ADGRV1: variants seen among roughly 807,000 people sequenced by gnomAD.
The protein encoded by ADGRV1 is adhesion G protein-coupled receptor V1.
ADGRV1 carries 359 observed loss-of-function variants against 596.2 expected under a neutral mutation model. That is an observed-to-expected ratio of 0.60 (90% confidence interval 0.55 to 0.66). The LOEUF is 0.66. Ranked by LOEUF, ADGRV1 falls within the 30% of genes least tolerant of loss-of-function variation. ADGRV1 has a pLI of 0.00. For synonymous variants in ADGRV1, 2,681 were observed against 2,679.2 expected (o/e 1.00, Z -0.02); for missense variants, 7,274 against 7,575.6 (o/e 0.96, Z 1.48).
chr5:90,736,880 G>T (rs999679344), intron 50 of ADGRV1, among the ~76,000 whole-genome samples: 2 of 149,514 alleles, frequency 1.3e-5, no homozygotes, highest in African/African-American at 2.5e-5. Context: ...TGTAGCTAAG[G>T]GTTTGTCAAC....
At chr5:91,005,097 T>A (rs1018051451) in intron 85 of ADGRV1, among the ~76,000 whole-genome samples, 3 of 152,180 alleles carry the variant, frequency 2.0e-5, no homozygotes, top group Admixed American at 6.5e-5. Context: ...TTTTGTATAT[T>A]TTCTCAGAAT....
intron 59 of ADGRV1, among the ~76,000 whole-genome samples, chr5:90,765,382 G>C (rs746198273): frequency 2.7e-5 from 4 of 147,416 alleles, no homozygotes; most frequent in Non-Finnish European, 4.5e-5. Flanking sequence ...ACTATGTCTG[G>C]GATTTTTTTG....
intron 87 of ADGRV1, among the ~76,000 whole-genome samples, chr5:91,106,735 G>A (rs181778222): frequency 1.4e-4 from 22 of 152,316 alleles, no homozygotes; most frequent in Non-Finnish European, 1.9e-4. Flanking sequence ...AGTCCAAATG[G>A]AGATCACATA....
chr5:90,676,655 C>T (rs1744259124), intron 25 of ADGRV1: 1 of 156,198 alleles, frequency 6.4e-6, no homozygotes, highest in African/African-American at 2.4e-5. Context: ...AAGAGACGTG[C>T]TTTTAGAGTG....
chr5:91,154,023 C>T (rs1796268440), intron 89 of ADGRV1, among the ~76,000 whole-genome samples: 1 of 152,212 alleles, frequency 6.6e-6, no homozygotes, highest in Middle Eastern at 3.2e-3. Context: ...CTGGGTGAAA[C>T]AGTTAGTGGA....
intron 83 of ADGRV1, among the ~76,000 whole-genome samples, chr5:90,913,908 C>A (rs989404511): frequency 6.6e-6 from 1 of 152,024 alleles, no homozygotes; most frequent in Non-Finnish European, 1.5e-5. Flanking sequence ...TAAATCTTTG[C>A]GGGTGAATAT....
At position 90,985,388 on chromosome 5, in the gene ADGRV1, A is replaced by T. The variant is rs1262359126; in HGVS notation, c.18018A>T (p.Thr6006=). The T allele has an allele frequency of 6.2e-7, 1 of 1,613,666 alleles. No individual in the cohort carries two copies. Among genetic ancestry groups the T allele is most frequent in the South Asian group, 1.1e-5 (1 of 91,028 alleles). The change falls in exon 85 of 90, where the codon ACA becomes ACT. Residue 6006 remains threonine (T), a synonymous_variant. Coordinates refer to ENST00000405460, the MANE Select transcript of ADGRV1 (RefSeq NM_032119.4). ...TGCTGGTGATGAATGATGAGCACAC[A>T]GAGAGGCGATATCTGCTGTTTTTCC... ...WYVLVMNDEH[T]ERRYLLFFLL... is the part of the protein sequence containing the mutation.
At chr5:90,931,512 A>C (rs1394051191) in intron 83 of ADGRV1, among the ~76,000 whole-genome samples, 2 of 152,208 alleles carry the variant, frequency 1.3e-5, no homozygotes, top group African/African-American at 4.8e-5. Context: ...AAATTTCACT[A>C]GGTAAAATGT....
At position 91,164,167 on chromosome 5, in the gene ADGRV1, T is replaced by A; in HGVS notation, c.*267T>A. The A allele has an allele frequency of 4.2e-6, 2 of 481,240 alleles. No individual in the cohort carries two copies. Among genetic ancestry groups the A allele is most frequent in the Non-Finnish European group, 7.7e-6 (2 of 260,150 alleles). The allele number at this position is 481,240 out of a possible 1,614,324, so 29.8% of individuals were successfully genotyped here. A position where few individuals can be genotyped will look rare whatever the true frequency, so the allele number is the denominator to read the frequency against. On this transcript the variant is annotated 3_prime_UTR_variant, in exon 90 of 90. Coordinates refer to ENST00000405460, the MANE Select transcript of ADGRV1 (RefSeq NM_032119.4). ...TAGTTGTTTTTTTAATCATCCTATA[T>A]GGCTAACATTGTTTAATGAAAGTAA... is the stretch of plus-strand genomic sequence containing the variant.
Position 90,710,971 on chromosome 5 carries a change from G to GT in ADGRV1, c.8825-4dup. The stretch of plus-strand genomic sequence containing the variant: ...TATGTATTTTAAGATATGCTTCTAT[G>GT]TTTTTTAAGATTCAGAAGGTTTGAC... On this transcript the variant is annotated splice_polypyrimidine_tract_variant and intron_variant, in intron 39 of 89. Transcript: ENST00000405460. The GT allele has an allele frequency of 6.4e-7, 1 of 1,558,546 alleles. No homozygotes were observed. Among genetic ancestry groups the GT allele is most frequent in the South Asian group, 1.1e-5 (1 of 87,628 alleles).
intron 1 of ADGRV1, among the ~76,000 whole-genome samples, chr5:90,579,830 T>C (rs1054262591): frequency 6.6e-6 from 1 of 152,252 alleles, no homozygotes; most frequent in African/African-American, 2.4e-5. Flanking sequence ...TTAGTTCTTC[T>C]TGTTGAATTG....
At chr5:90,729,962 G>C (rs1220540739) in intron 50 of ADGRV1, among the ~76,000 whole-genome samples, 198 bp downstream of exon 50, 1 of 152,026 alleles carries the variant, frequency 6.6e-6, no homozygotes, top group Non-Finnish European at 1.5e-5. Context: ...CGCCTCCCAG[G>C]TTCCGCTATT....
Position 90,840,599 on chromosome 5 carries a change from A to G in ADGRV1, c.16633A>G (p.Ile5545Val). 1 of 1,607,014 alleles carries G rather than the reference A, an allele frequency of 6.2e-7. No homozygotes were observed. Among genetic ancestry groups the G allele is most frequent in the South Asian group, 1.1e-5 (1 of 90,534 alleles). The change falls in exon 78 of 90, where the codon ATT (isoleucine) becomes GTT (valine). Residue 5545 changes from isoleucine (I) to valine (V), a missense_variant. Around this residue, in one of 5 missense-constraint regions of ADGRV1, gnomAD observed 1,874 missense variants for 1,970.2 expected, o/e 0.95. Transcript: ENST00000405460. ...CTAGGAGTTGAGGAGTGCTGAAACA[A>G]TTGGTCGTACCATCATATCTCCAGC... is the stretch of plus-strand genomic sequence containing the variant. Reference protein sequence around the residue: ...STQELRSAETIGRTIISPAIS... With the variant: ...STQELRSAETVGRTIISPAIS...
At chr5:91,143,729 TTCCCCA>T (rs1276070890) in intron 87 of ADGRV1, among the ~76,000 whole-genome samples, 1 of 152,178 alleles carries the variant, frequency 6.6e-6, no homozygotes, top group Non-Finnish European at 1.5e-5. Flanking sequence ...GCTTCAGGCC[TTCCCCA>T]GCTTGAAGGT....
At chr5:91,056,175 A>T (rs1306588289) in intron 85 of ADGRV1, among the ~76,000 whole-genome samples, 1 of 152,176 alleles carries the variant, frequency 6.6e-6, no homozygotes, top group African/African-American at 2.4e-5. Flanking sequence ...GTAGAGAAGA[A>T]TTGGGCCCTT....
chr5:90,895,463 G>C (rs1309529442), intron 83 of ADGRV1, among the ~76,000 whole-genome samples: 1 of 152,106 alleles, frequency 6.6e-6, no homozygotes, highest in African/African-American at 2.4e-5. Flanking sequence ...AGGTGCAAAG[G>C]CCCAGAGGCC....
intron 83 of ADGRV1, among the ~76,000 whole-genome samples, chr5:90,928,162 A>G (rs1774727329): frequency 6.6e-6 from 1 of 151,946 alleles, no homozygotes; most frequent in African/African-American, 2.4e-5. Flanking sequence ...GTATTTCCTG[A>G]ATCTGAACGT....
At chr5:90,721,566 TAAA>T (rs58539532) in intron 45 of ADGRV1, among the ~76,000 whole-genome samples, 5 of 115,016 alleles carry the variant, frequency 4.3e-5, no homozygotes, top group South Asian at 2.7e-4. Context: ...TAAAATAAAA[TAAA>T]ATAAAATAAA....
chr5:90,706,164 T>A (rs1383224283), intron 37 of ADGRV1, 67 bp from the exon 38 acceptor site: 1 of 1,449,088 alleles, frequency 6.9e-7, no homozygotes, highest in Non-Finnish European at 9.3e-7. Flanking sequence ...AGGCAAAAAA[T>A]TCACAAGGGG....
Sources: allele counts gnomAD v4.1 joint callset (sites outside exome capture counted in the v4.1 genomes callset), GRCh38; gene constraint gnomAD v4.1.1; regional missense constraint gnomAD v4.1.1; transcripts MANE v1.5; gene names NCBI Gene and HGNC (gene_info 2026-07-23, HGNC 2026-07-21).